The following TBC1D9B variants were observed in gnomAD, a reference collection of about 807,000 sequenced individuals.
The protein encoded by TBC1D9B is TBC1 domain family member 9B.
A neutral mutation model predicts 121.1 loss-of-function variants in TBC1D9B; 87 were observed. The observed-to-expected ratio is 0.72, with a 90% CI of 0.60 to 0.86. The LOEUF is 0.86. Among genes scored for constraint, TBC1D9B ranks in the 40% least tolerant of loss-of-function variants. The probability of loss-of-function intolerance (pLI) is 0.00; values close to 1 mark genes in which losing one functional copy is unlikely to be tolerated. For missense variants in TBC1D9B, 1,540 were observed against 1,628.6 expected (o/e 0.95, Z 0.94); for synonymous variants, 668 against 670.1 (o/e 1.00, Z 0.05).
At position 179,891,112 on chromosome 5, in the gene TBC1D9B, T is replaced by C. The variant is rs1320862093; in HGVS notation, c.1044+267A>G. 6.6e-6 allele frequency among the ~76,000 whole-genome samples: 1 copy of C among 152,190 alleles called. No individual in the cohort carries two copies. On this transcript the variant is annotated intron_variant, in intron 6 of 20. Coordinates refer to ENST00000355235, the MANE Select transcript of TBC1D9B (RefSeq NM_015043.4). The surrounding 1 kb of genome is among the most constrained non-coding windows in gnomAD (Gnocchi z 4.3). The stretch of plus-strand genomic sequence containing the variant: ...GGAAACTCACGCGTGGGAGACCCTG[T>C]CTCCACTAGGCAAGTGACCTGAGAG...
Position 179,862,145 on chromosome 5 carries a change from T to G in TBC1D9B, c.*1303A>C, listed in dbSNP as rs773530500. Reference sequence around the variant, plus strand: ...TAAGGTGCCTAATTCATAAACTTAATCACAGGTATGTATGCATAGGAAAAA... The same window carrying G: ...TAAGGTGCCTAATTCATAAACTTAAGCACAGGTATGTATGCATAGGAAAAA... On this transcript the variant is annotated 3_prime_UTR_variant, in exon 21 of 21. Transcript: ENST00000355235. 1.2e-5 allele frequency: 2 copies of G among 169,660 alleles called. No homozygotes were observed. Among genetic ancestry groups the G allele is most frequent in the Non-Finnish European group, 2.6e-5 (2 of 77,058 alleles). The allele number at this position is 169,660 out of a possible 1,614,324, so 10.5% of individuals were successfully genotyped here.
At position 179,904,867 on chromosome 5, in the gene TBC1D9B, C is replaced by T; in HGVS notation, c.119-55G>A. ...TGAGGGGAGGGCCGGACTGAGGCCC[C>T]TGAAGGCTGAGTCTGGCCGGAGGCA... On this transcript the variant is annotated intron_variant, in intron 1 of 20. Transcript: ENST00000355235. This position sits in a 1 kb window ranked among gnomAD's most constrained non-coding sequence, Gnocchi z 4.2. 2 of 1,384,840 alleles carry T rather than the reference C, an allele frequency of 1.4e-6. No individual in the cohort carries two copies. Among genetic ancestry groups the T allele is most frequent in the Non-Finnish European group, 2.0e-6 (2 of 1,016,808 alleles). The allele number at this position is 1,384,840 out of a possible 1,614,324, so 85.8% of individuals were successfully genotyped here.
At chr5:179,892,940 C>A (rs536170059) in intron 5 of TBC1D9B, among the ~76,000 whole-genome samples, 1 of 152,326 alleles carries the variant, frequency 6.6e-6, no homozygotes, top group African/African-American at 2.4e-5. Context: ...ATGGTAAGAG[C>A]CCCTTCCCAT....
intron 20 of TBC1D9B, among the ~76,000 whole-genome samples, chr5:179,864,995 T>C (rs536459712): frequency 1.3e-5 from 2 of 152,292 alleles, no homozygotes; most frequent in African/African-American, 4.8e-5. Context: ...TTGTCAAAGG[T>C]AGCCTACAAG....
In TBC1D9B at chr5:179,879,754, G is replaced by A. The variant is rs561602053; in HGVS notation, c.1290C>T (p.Pro430=). The A allele has an allele frequency of 1.5e-4, 245 of 1,613,830 alleles. No individual in the cohort carries two copies. The highest frequency in any genetic ancestry group is 5.6e-4 in the South Asian group (51 of 91,064). ...SPAPQEGSEQ[P]ASPASPLSSR... ...TGCTGAGGGGAGAGGCTGGGCTGGC[G>A]GGCTGCTCCGACCCCTCCTGAGGAG... The change falls in exon 8 of 21, where the codon CCC becomes CCT. Residue 430 remains proline (P), a synonymous_variant. Transcript: ENST00000355235.
At chr5:179,896,328 A>G (rs767560062) in intron 3 of TBC1D9B, among the ~76,000 whole-genome samples, 9 of 152,220 alleles carry the variant, frequency 5.9e-5, no homozygotes, top group Non-Finnish European at 8.8e-5. Flanking sequence ...GGGAGAAGGA[A>G]AAGGGTTTTT....
intron 7 of TBC1D9B, among the ~76,000 whole-genome samples, chr5:179,883,128 G>C (rs1304107878): frequency 6.6e-6 from 1 of 152,088 alleles, no homozygotes; most frequent in African/African-American, 2.4e-5. Context: ...CAAAGTGCTG[G>C]GATTACAGGT....
In TBC1D9B at chr5:179,875,211, G is replaced by A. The variant is rs1205342125; in HGVS notation, c.1901-24C>T. ...TCCTGCGGGCAGGATGAGCGAGGCT[G>A]ATGGTGAGCCCACCCTGTGGCCTGG... On this transcript the variant is annotated intron_variant, in intron 11 of 20. Transcript: ENST00000355235. This position sits in a 1 kb window ranked among gnomAD's most constrained non-coding sequence, Gnocchi z 4.5. 1.2e-6 allele frequency: 2 copies of A among 1,606,862 alleles called. No homozygotes were observed. Among genetic ancestry groups the A allele is most frequent in the South Asian group, 1.1e-5 (1 of 90,774 alleles).
At position 179,893,483 on chromosome 5, in the gene TBC1D9B, TAG is replaced by T; in HGVS notation, c.578-18_578-17del. 1 of 1,579,422 alleles carries T rather than the reference TAG, an allele frequency of 6.3e-7. No individual in the cohort carries two copies. The highest frequency in any genetic ancestry group is 8.6e-7 in the Non-Finnish European group (1 of 1,159,074). On this transcript the variant is annotated splice_polypyrimidine_tract_variant and intron_variant, in intron 4 of 20. Coordinates refer to ENST00000355235, the MANE Select transcript of TBC1D9B (RefSeq NM_015043.4). ...ACGAGGCTCACTGTGCCCACAGAGA[TAG>T]ACACACCGCAAGTTAGGGCCTGGCA... is the stretch of plus-strand genomic sequence containing the variant.
rs200057303 is a variant in TBC1D9B, at chr5:179,865,318, C to G, written c.2957G>C (p.Arg986Pro). The G allele has an allele frequency of 6.2e-7, 1 of 1,614,090 alleles. No homozygotes were observed. Among genetic ancestry groups the G allele is most frequent in the South Asian group, 1.1e-5 (1 of 91,086 alleles). Residue 986 changes from arginine (R) to proline (P), a missense_variant, in exon 20 of 21, where the codon CGA becomes CCA. Coordinates refer to ENST00000355235, the MANE Select transcript of TBC1D9B (RefSeq NM_015043.4). This position sits in a 1 kb window ranked among gnomAD's most constrained non-coding sequence, Gnocchi z 5.1. ...TSSPDYRHYLRMWAKEKEAQK... is the reference protein window; with the variant it reads ...TSSPDYRHYLPMWAKEKEAQK... ...AGCCTCTTTCTCCTTGGCCCACATT[C>G]GAAGGTAGTGCCGATAGTCCGGAGA...
At chr5:179,906,622 G>A (rs371495874) in intron 1 of TBC1D9B, among the ~76,000 whole-genome samples, 1 of 152,188 alleles carries the variant, frequency 6.6e-6, no homozygotes, top group Non-Finnish European at 1.5e-5. Flanking sequence ...CTGGATCTAG[G>A]AGGCGGGTCC....
At chr5:179,894,645 C>A in intron 3 of TBC1D9B, 31 bp from the exon 4 acceptor site, 1 of 1,611,842 alleles carries the variant, frequency 6.2e-7, no homozygotes, top group South Asian at 1.1e-5. Context: ...AAGGGCTTGC[C>A]CTGCACAGTC....
At chr5:179,893,918 G>C (rs545307592) in intron 4 of TBC1D9B, among the ~76,000 whole-genome samples, 1 of 152,252 alleles carries the variant, frequency 6.6e-6, no homozygotes, top group African/African-American at 2.4e-5. Context: ...GCTGAGGGAG[G>C]CAAGGAGGGA....
chr5:179,870,681 G>C, intron 15 of TBC1D9B, 186 bp from the exon 16 acceptor site: 1 of 888,938 alleles, frequency 1.1e-6, no homozygotes, highest in Non-Finnish European at 1.7e-6. Flanking sequence ...CTTGTTAACA[G>C]ATGGGGAGGG....
chr5:179,906,828 G>A (rs1019321556), intron 1 of TBC1D9B, among the ~76,000 whole-genome samples: 2 of 152,254 alleles, frequency 1.3e-5, no homozygotes. Context: ...TTGATAAACT[G>A]GACGACCTGG....
rs773460559 is a variant in TBC1D9B, at chr5:179,865,820, G to A, written c.2914+18C>T. Reference sequence around the variant, plus strand: ...AACGCTGGGGTCTCTAAGAACAGCGGCAGAGAATGGCCTGTACCTCCTCTC... The same window carrying A: ...AACGCTGGGGTCTCTAAGAACAGCGACAGAGAATGGCCTGTACCTCCTCTC... On this transcript the variant is annotated intron_variant, in intron 19 of 20. Coordinates refer to ENST00000355235, the MANE Select transcript of TBC1D9B (RefSeq NM_015043.4). This position sits in a 1 kb window ranked among gnomAD's most constrained non-coding sequence, Gnocchi z 5.1. 1.9e-6 allele frequency: 3 copies of A among 1,584,920 alleles called. No homozygotes were observed. Among genetic ancestry groups the A allele is most frequent in the Middle Eastern group, 3.4e-4 (2 of 5,924 alleles).
Position 179,902,342 on chromosome 5 carries a change from G to A in TBC1D9B, c.229+2360C>T, listed in dbSNP as rs568192346. The stretch of plus-strand genomic sequence containing the variant: ...TGAAGGCCAGGCTGTGAGCTGGGGA[G>A]ACAAGGCCAGAAATGGAGGCAGGCA... On this transcript the variant is annotated intron_variant, in intron 2 of 20. Transcript: ENST00000355235. The surrounding 1 kb of genome is among the most constrained non-coding windows in gnomAD (Gnocchi z 4.9). Among the ~76,000 whole-genome samples the A allele has an allele frequency of 6.6e-6, 1 of 152,238 alleles. No individual in the cohort carries two copies. Among genetic ancestry groups the A allele is most frequent in the African/African-American group, 2.4e-5 (1 of 41,460 alleles).
At chr5:179,867,402 T>G in intron 18 of TBC1D9B, 2 of 1,531,216 alleles carry the variant, frequency 1.3e-6, no homozygotes, top group Non-Finnish European at 1.8e-6. Flanking sequence ...GCAGGAAGAG[T>G]GTTAGGAGGT....
At chr5:179,889,237 C>A (rs2113633664) in intron 6 of TBC1D9B, among the ~76,000 whole-genome samples, 1 of 152,016 alleles carries the variant, frequency 6.6e-6, no homozygotes, top group East Asian at 1.9e-4. Context: ...ACCATGTTAG[C>A]CAGGATGGTC....
Sources: allele counts gnomAD v4.1 joint callset (sites outside exome capture counted in the v4.1 genomes callset), GRCh38; gene constraint gnomAD v4.1.1; non-coding constraint Gnocchi (gnomAD v3.1); transcripts MANE v1.5; gene names NCBI Gene and HGNC (gene_info 2026-07-23, HGNC 2026-07-21).